MYH14: variants seen among roughly 807,000 people sequenced by gnomAD.
MYH14 encodes the protein myosin-14.
MYH14 carries 123 observed loss-of-function variants against 255.5 expected under a neutral mutation model. The observed-to-expected ratio is 0.48, with a 90% CI of 0.42 to 0.56. The LOEUF is 0.56. MYH14 is among the 20% of genes least tolerant of loss of function. The pLI, the probability that MYH14 is intolerant of heterozygous loss-of-function variation, is 0.00. For missense variants in MYH14, 2,423 were observed against 2,802.3 expected (o/e 0.86, Z 3.06); for synonymous variants, 1,095 against 1,161.2 (o/e 0.94, Z 1.16).
chr19:50,282,202 T>C (rs1234615226), intron 33 of MYH14, among the ~76,000 whole-genome samples: 1 of 152,192 alleles, frequency 6.6e-6, no homozygotes, highest in Admixed American at 6.5e-5. Flanking sequence ...GCAAGTTGCT[T>C]TTTCCATCTC....
At chr19:50,240,731 G>GC (rs1442163057) in intron 10 of MYH14, among the ~76,000 whole-genome samples, 1 of 151,742 alleles carries the variant, frequency 6.6e-6, no homozygotes, top group Non-Finnish European at 1.5e-5. Context: ...GAGGCCAGGA[G>GC]TTGGAGACCA....
chr19:50,267,148 G>T (rs1379615800), intron 23 of MYH14, 140 bp downstream of exon 23: 8 of 866,300 alleles, frequency 9.2e-6, no homozygotes, highest in Non-Finnish European at 1.4e-5. Flanking sequence ...TGGGAGCAAA[G>T]CTAAGGTGTA....
At chr19:50,272,009 C>G (rs765492296) in intron 26 of MYH14, 37 bp downstream of exon 26, 2 of 1,596,238 alleles carry the variant, frequency 1.3e-6, no homozygotes, top group Admixed American at 3.5e-5. Context: ...TCTGTGTGTG[C>G]TCTAATGGGG....
At chr19:50,220,458 A>G (rs1309723428) in intron 3 of MYH14, among the ~76,000 whole-genome samples, 1 of 150,308 alleles carries the variant, frequency 6.7e-6, no homozygotes, top group Non-Finnish European at 1.5e-5. Flanking sequence ...AATTATACCT[A>G]TTAATATGCA....
rs2034346336 is a variant in MYH14, at chr19:50,250,909, G to A, written c.1830+221G>A. On this transcript the variant is annotated intron_variant, in intron 15 of 42. Coordinates refer to ENST00000642316, the MANE Select transcript of MYH14 (RefSeq NM_001145809.2). This position sits in a 1 kb window ranked among gnomAD's most constrained non-coding sequence, Gnocchi z 5.4. ...ATATTTGCAGTGGGTTTTGAGGGAT[G>A]GGTAGGAGTTCATCAGGAGGCGATC... 6.6e-6 allele frequency among the ~76,000 whole-genome samples: 1 copy of A among 152,202 alleles called. No individual in the cohort carries two copies. Among genetic ancestry groups the A allele is most frequent in the African/African-American group, 2.4e-5 (1 of 41,456 alleles).
At chr19:50,254,107 C>T (rs979339395) in intron 16 of MYH14, among the ~76,000 whole-genome samples, 5 of 151,764 alleles carry the variant, frequency 3.3e-5, no homozygotes, top group African/African-American at 1.2e-4. Flanking sequence ...ATCCCAGCTA[C>T]TCGGGGGGCT....
Position 50,286,373 on chromosome 19 carries a change from GTCTCTTTCTC to G in MYH14, c.4540-97_4540-88del, listed in dbSNP as rs569939673. Reference sequence around the variant, plus strand: ...CCCTCTTGTGTCTCTGCCTTTGTCTGTCTCTTTCTCTCTCTTTCTCTGTTCCTGGCTGCTC... The same window carrying G: ...CCCTCTTGTGTCTCTGCCTTTGTCTGTCTCTTTCTCTGTTCCTGGCTGCTC... On this transcript the variant is annotated intron_variant, in intron 33 of 42. Transcript: ENST00000642316. The G allele has an allele frequency of 5.0e-4, 551 of 1,111,836 alleles. 5 individuals carry two copies. In the East Asian group the frequency reaches 0.013, roughly 26 times the overall value. The allele number at this position is 1,111,836 out of a possible 1,614,324, so 68.9% of individuals were successfully genotyped here.
At chr19:50,303,241 A>AT (rs956093728) in intron 40 of MYH14, among the ~76,000 whole-genome samples, 35 of 148,436 alleles carry the variant, frequency 2.4e-4, no homozygotes, top group South Asian at 6.5e-4. Flanking sequence ...CTGGGCTTTC[A>AT]TTTTTTTTTT....
At chr19:50,294,123 C>T (rs375438782) in intron 39 of MYH14, among the ~76,000 whole-genome samples, 13 of 152,174 alleles carry the variant, frequency 8.5e-5, no homozygotes, top group East Asian at 7.7e-4. Context: ...GATCCTATTC[C>T]GGGTTATGCT....
In MYH14 at chr19:50,261,539, C is replaced by T. The variant is rs1435326547; in HGVS notation, c.2489C>T (p.Ala830Val). 6.3e-7 allele frequency: 1 copy of T among 1,594,822 alleles called. No homozygotes were observed. Among genetic ancestry groups the T allele is most frequent in the African/African-American group, 1.4e-5 (1 of 70,464 alleles). The change falls in exon 21 of 43, where the codon GCT becomes GTT. Residue 830 changes from alanine to valine, a missense_variant. This residue lies in a region of MYH14 where 1,513 missense variants were observed against 1,674.8 expected (regional missense o/e 0.90). Coordinates refer to ENST00000642316, the MANE Select transcript of MYH14 (RefSeq NM_001145809.2). ...RVGQSKIFFR[A>V]GVLAQLEEER... is the part of the protein sequence containing the mutation. ...GGACAGAGCAAGATCTTCTTCCGGGCTGGGGTCCTGGCCCAGCTGGAAGAG... is the reference window on the plus strand; with the variant it reads ...GGACAGAGCAAGATCTTCTTCCGGGTTGGGGTCCTGGCCCAGCTGGAAGAG...
chr19:50,297,491 CTTTTTTTTT>C (rs869049808), intron 39 of MYH14, among the ~76,000 whole-genome samples: 3 of 74,324 alleles, frequency 4.0e-5, no homozygotes, highest in East Asian at 5.5e-4. Context: ...CTCATCTCCT[CTTTTTTTTT>C]TTTTTTTTTT....
Position 50,249,665 on chromosome 19 carries a change from C to G in MYH14, c.1498C>G (p.Gln500Glu), listed in dbSNP as rs2034287478. 1 of 1,614,122 alleles carries G rather than the reference C, an allele frequency of 6.2e-7. No homozygotes were observed. Among genetic ancestry groups the G allele is most frequent in the African/African-American group, 1.3e-5 (1 of 74,948 alleles). The part of the protein sequence containing the change: ...FEIFQLNSFE[Q>E]LCINYTNEKL... ...GTCCCTGCAGCTGAACTCCTTCGAG[C>G]AGCTCTGCATCAACTACACCAACGA... Residue 500 changes from glutamine to glutamate, a missense_variant, in exon 14 of 43, where the codon CAG becomes GAG. This residue lies in a region of MYH14 where 672 missense variants were observed against 881.8 expected (regional missense o/e 0.76). Coordinates refer to ENST00000642316, the MANE Select transcript of MYH14 (RefSeq NM_001145809.2).
At chr19:50,251,569 C>CACATATATATATATATAT (rs1491546469) in intron 15 of MYH14, among the ~76,000 whole-genome samples, 24 of 121,046 alleles carry the variant, frequency 2.0e-4, no homozygotes, top group African/African-American at 7.8e-4. Flanking sequence ...CACACACACA[C>CACATATATATATATATAT]ATATATATAT....
intron 3 of MYH14, among the ~76,000 whole-genome samples, chr19:50,218,387 G>C (rs112884700): frequency 9.2e-5 from 14 of 151,960 alleles, no homozygotes; most frequent in Admixed American, 7.9e-4. Context: ...ACGAGGTCAG[G>C]AGATCGAGAC....
At chr19:50,274,439 TG>T (rs2035431148) in intron 27 of MYH14, among the ~76,000 whole-genome samples, 1 of 152,106 alleles carries the variant, frequency 6.6e-6, no homozygotes, top group African/African-American at 2.4e-5. Context: ...GGACTACAGG[TG>T]CCCACCACCA....
intron 40 of MYH14, among the ~76,000 whole-genome samples, chr19:50,302,730 G>A (rs1011620894): frequency 4.0e-5 from 6 of 151,406 alleles, no homozygotes; most frequent in East Asian, 1.9e-4. Context: ...GAGAAACTGC[G>A]TCTCTACTAA....
At chr19:50,234,140 A>T (rs886080982) in intron 10 of MYH14, among the ~76,000 whole-genome samples, 2 of 151,842 alleles carry the variant, frequency 1.3e-5, no homozygotes, top group Non-Finnish European at 2.9e-5. Flanking sequence ...CACTGGTATG[A>T]TTTTATCTTA....
In MYH14 at chr19:50,309,011, A is replaced by G. The variant is rs2036749096; in HGVS notation, c.5794A>G (p.Lys1932Glu). 1 of 1,611,502 alleles carries G rather than the reference A, an allele frequency of 6.2e-7. No homozygotes were observed. The highest frequency in any genetic ancestry group is 8.5e-7 in the Non-Finnish European group (1 of 1,178,648). The change falls in exon 42 of 43, where the codon AAG (lysine) becomes GAG (glutamate). Residue 1932 changes from lysine (K) to glutamate (E), a missense_variant. This residue lies in a region of MYH14 where 1,513 missense variants were observed against 1,674.8 expected (regional missense o/e 0.90). Coordinates refer to ENST00000642316, the MANE Select transcript of MYH14 (RefSeq NM_001145809.2). ...VADQLRDQLE[K>E]GNLRVKQLKR... ...TCCCCCTGCTTCCATCAAGCTGGAGAAGGGAAACCTTCGAGTCAAGCAGCT... is the reference window on the plus strand; with the variant it reads ...TCCCCCTGCTTCCATCAAGCTGGAGGAGGGAAACCTTCGAGTCAAGCAGCT...
chr19:50,216,321 C>T (rs1480376812), intron 2 of MYH14, among the ~76,000 whole-genome samples: 1 of 151,874 alleles, frequency 6.6e-6, no homozygotes, highest in Non-Finnish European at 1.5e-5. Flanking sequence ...CAAAAAAATA[C>T]ACCAGGTGCG....
Sources: allele counts gnomAD v4.1 joint callset (sites outside exome capture counted in the v4.1 genomes callset), GRCh38; gene constraint gnomAD v4.1.1; regional missense constraint gnomAD v4.1.1; non-coding constraint Gnocchi (gnomAD v3.1); transcripts MANE v1.5; gene names NCBI Gene and HGNC (gene_info 2026-07-23, HGNC 2026-07-21).